FTCDNL1: variants seen among roughly 807,000 people sequenced by gnomAD.
The protein encoded by FTCDNL1 is formiminotransferase cyclodeaminase N-terminal like.
In FTCDNL1, 11 loss-of-function variants were observed where a neutral mutation model predicts 5.9. The observed-to-expected ratio is 1.87, with a 90% CI of 1.18 to 3.10. The LOEUF (loss-of-function observed/expected upper bound fraction) is 3.10. FTCDNL1 is among the 30% of genes most tolerant of loss of function. The probability of loss-of-function intolerance (pLI) is 0.00; values close to 1 mark genes in which losing one functional copy is unlikely to be tolerated. For synonymous variants in FTCDNL1, 58 were observed against 24.8 expected (o/e 2.34, Z -3.99); for missense variants, 115 against 65.5 (o/e 1.76, Z -2.61).
intron 3 of FTCDNL1, among the ~76,000 whole-genome samples, chr2:199,772,933 C>T (rs186476359): frequency 2.6e-5 from 4 of 152,214 alleles, no homozygotes; most frequent in African/African-American, 7.2e-5. Context: ...ACTACTCTGG[C>T]GCAGTAATTG....
chr2:199,711,970 C>A, the FTCDNL1 span, among the ~76,000 whole-genome samples: 1 of 152,034 alleles, frequency 6.6e-6, no homozygotes, highest in Non-Finnish European at 1.5e-5. Context: ...TCCCCACTGC[C>A]CAACCAGAAG....
At chr2:199,730,969 T>A in the FTCDNL1 span, among the ~76,000 whole-genome samples, 1 of 152,168 alleles carries the variant, frequency 6.6e-6, no homozygotes. Flanking sequence ...ATAGACTGGA[T>A]AAAGAAAATG....
At chr2:199,712,935 C>T in the FTCDNL1 span, among the ~76,000 whole-genome samples, 1 of 152,218 alleles carries the variant, frequency 6.6e-6, no homozygotes, top group African/African-American at 2.4e-5. Flanking sequence ...AATAAGGTCA[C>T]ATTCTGAGGC....
At chr2:199,690,817 G>A in the FTCDNL1 span, among the ~76,000 whole-genome samples, 2 of 152,116 alleles carry the variant, frequency 1.3e-5, no homozygotes, top group Admixed American at 1.3e-4. Context: ...TCTAAAGAAG[G>A]AATTTCTGTT....
the FTCDNL1 span, among the ~76,000 whole-genome samples, chr2:199,676,371 T>C: frequency 6.6e-6 from 1 of 152,138 alleles, no homozygotes; most frequent in Non-Finnish European, 1.5e-5. Context: ...ATTCCATTTT[T>C]AATGTAGCAA....
At chr2:199,804,950 C>A (rs1447515558), downstream of FTCDNL1, among the ~76,000 whole-genome samples, 1 of 152,206 alleles carries the variant, frequency 6.6e-6, no homozygotes, top group East Asian at 1.9e-4. Context: ...AGCAGGGGTC[C>A]TCAGAGCCTA....
chr2:199,758,046 GCT>G (rs1161979831), downstream of FTCDNL1, among the ~76,000 whole-genome samples: 1 of 152,076 alleles, frequency 6.6e-6, no homozygotes, highest in Non-Finnish European at 1.5e-5. Flanking sequence ...CTCACAATTC[GCT>G]GATCACTAGC....
chr2:199,681,595 G>C, the FTCDNL1 span, among the ~76,000 whole-genome samples: 1 of 152,140 alleles, frequency 6.6e-6, no homozygotes, highest in Non-Finnish European at 1.5e-5. Flanking sequence ...AACAAAGTCA[G>C]TCTATTGTCC....
At chr2:199,768,111 C>T (rs572724882) in intron 3 of FTCDNL1, among the ~76,000 whole-genome samples, 8 of 152,174 alleles carry the variant, frequency 5.3e-5, no homozygotes, top group African/African-American at 1.9e-4. Context: ...TACATATTCT[C>T]GAGAAAGTAT....
At chr2:199,673,461 A>T in the FTCDNL1 span, among the ~76,000 whole-genome samples, 1 of 151,904 alleles carries the variant, frequency 6.6e-6, no homozygotes, top group East Asian at 1.9e-4. Context: ...ACTCTTATTT[A>T]GCTTCTAATT....
At chr2:199,726,213 C>T in the FTCDNL1 span, among the ~76,000 whole-genome samples, 3 of 152,164 alleles carry the variant, frequency 2.0e-5, no homozygotes, top group East Asian at 1.9e-4. Context: ...GTGACGTTCT[C>T]GTGTTGTGCT....
the FTCDNL1 span, among the ~76,000 whole-genome samples, chr2:199,754,287 C>T: frequency 5.1e-4 from 78 of 152,124 alleles, no homozygotes; most frequent in Admixed American, 1.5e-3. Context: ...ATGGGAGGAG[C>T]GGAAGGAATG....
intron 3 of FTCDNL1, among the ~76,000 whole-genome samples, chr2:199,800,884 G>A (rs765400862): frequency 1.3e-5 from 2 of 152,154 alleles, no homozygotes; most frequent in Non-Finnish European, 2.9e-5. Context: ...ATAATCTGGT[G>A]TCCTTATAAT....
chr2:199,726,979 G>T, the FTCDNL1 span, among the ~76,000 whole-genome samples: 1 of 152,220 alleles, frequency 6.6e-6, no homozygotes, highest in East Asian at 1.9e-4. Context: ...TGTCCAGACT[G>T]CCTGGATTCC....
At chr2:199,687,892 G>A in the FTCDNL1 span, among the ~76,000 whole-genome samples, 1 of 152,048 alleles carries the variant, frequency 6.6e-6, no homozygotes. Flanking sequence ...GAGGCTCAAA[G>A]ACTTTATATC....
chr2:199,779,868 T>C (rs931351157), intron 3 of FTCDNL1, among the ~76,000 whole-genome samples: 1 of 152,216 alleles, frequency 6.6e-6, no homozygotes, highest in African/African-American at 2.4e-5. Flanking sequence ...TGTATCCTCC[T>C]TGACTCTGAA....
At chr2:199,733,864 T>C in the FTCDNL1 span, among the ~76,000 whole-genome samples, 1 of 152,192 alleles carries the variant, frequency 6.6e-6, no homozygotes, top group South Asian at 2.1e-4. Flanking sequence ...ATTGCACTTA[T>C]ATTTTTGTCT....
chr2:199,689,239 G>T, the FTCDNL1 span, among the ~76,000 whole-genome samples: 10 of 152,160 alleles, frequency 6.6e-5, no homozygotes, highest in African/African-American at 1.9e-4. Flanking sequence ...TCATTTTTAT[G>T]TAGTTACCCT....
chr2:199,823,292 C>A (rs1277815342), intron 3 of FTCDNL1, among the ~76,000 whole-genome samples: 1 of 152,080 alleles, frequency 6.6e-6, no homozygotes, highest in Non-Finnish European at 1.5e-5. Flanking sequence ...GGGTTGGAAC[C>A]AACTTCTTCC....
Sources: gnomAD v4.1 joint callset for allele counts (sites outside exome capture counted in the v4.1 genomes callset) on GRCh38, gnomAD v4.1.1 for gene constraint, MANE v1.5 for transcripts, NCBI Gene and HGNC (gene_info 2026-07-23, HGNC 2026-07-21) for gene names.